The following BTRC variants were observed in gnomAD, a reference collection of about 807,000 sequenced individuals.
BTRC encodes the protein F-box/WD repeat-containing protein 1A.
Under a neutral mutation model 85.5 loss-of-function variants are expected in BTRC, and 42 were observed. The observed-to-expected ratio is 0.49, with a 90% CI of 0.38 to 0.64. The LOEUF (loss-of-function observed/expected upper bound fraction) is 0.64. Ranked by LOEUF, BTRC falls within the 30% of genes least tolerant of loss-of-function variation. The probability of loss-of-function intolerance (pLI) is 0.00; values close to 1 mark genes in which losing one functional copy is unlikely to be tolerated. For missense variants in BTRC, 594 were observed against 743.5 expected, an observed-to-expected ratio of 0.80 and a Z score of 2.34; for synonymous variants, 255 against 263.3, an observed-to-expected ratio of 0.97 and a Z score of 0.30.
chr10:101,467,956 A>G (rs1945424319), intron 3 of BTRC, among the ~76,000 whole-genome samples: 1 of 152,210 alleles, frequency 6.6e-6, no homozygotes, highest in African/African-American at 2.4e-5. Context: ...GACAAAAGTG[A>G]TCTTTCCAAA....
chr10:101,508,690 A>G (rs977279475), intron 4 of BTRC, among the ~76,000 whole-genome samples: 5 of 152,072 alleles, frequency 3.3e-5, no homozygotes, highest in Non-Finnish European at 7.4e-5. Flanking sequence ...CGAGGCGGGC[A>G]GATCACGAGG....
At chr10:101,523,847 T>C (rs1321659535) in intron 5 of BTRC, among the ~76,000 whole-genome samples, 1 of 152,190 alleles carries the variant, frequency 6.6e-6, no homozygotes, top group Non-Finnish European at 1.5e-5. Context: ...AACCCCTTTA[T>C]TGAACATTTA....
In BTRC at chr10:101,479,317, G is replaced by A. The variant is rs1284441403; in HGVS notation, c.235-51G>A. 3.8e-6 allele frequency: 5 copies of A among 1,320,580 alleles called. No homozygotes were observed. In the Admixed American group the frequency reaches 5.1e-5, roughly 14 times the overall value. 81.8% of individuals were successfully genotyped at this position (1,320,580 alleles called of 1,614,324 possible). On this transcript the variant is annotated intron_variant, in intron 3 of 14. Coordinates refer to ENST00000370187, the MANE Select transcript of BTRC (RefSeq NM_033637.4). ...AGAGCAGAATTTGAAAACAGGATAT[G>A]GCAGTATTTCAATATTTTAAAAACC... is the stretch of plus-strand genomic sequence containing the variant.
At chr10:101,445,949 A>G (rs1345134619) in intron 2 of BTRC, among the ~76,000 whole-genome samples, 2 of 152,166 alleles carry the variant, frequency 1.3e-5, no homozygotes, top group Non-Finnish European at 2.9e-5. Context: ...GAGATATCTC[A>G]TGGAGAATAC....
intron 3 of BTRC, among the ~76,000 whole-genome samples, chr10:101,470,674 A>G (rs930534932): frequency 6.6e-6 from 1 of 152,170 alleles, no homozygotes; most frequent in Non-Finnish European, 1.5e-5. Flanking sequence ...CCTACCTAAG[A>G]AATCTTTGTC....
chr10:101,529,962 A>G (rs538007340), intron 6 of BTRC, among the ~76,000 whole-genome samples: 177 of 152,328 alleles, frequency 1.2e-3, no homozygotes, highest in African/African-American at 4.1e-3. Flanking sequence ...TAGTACACCC[A>G]TAGTGGGGTT....
At chr10:101,523,640 T>C (rs1454136936) in intron 5 of BTRC, among the ~76,000 whole-genome samples, 5 of 152,216 alleles carry the variant, frequency 3.3e-5, no homozygotes, top group African/African-American at 1.2e-4. Flanking sequence ...ACTGATTTGC[T>C]AAGTTATTAA....
chr10:101,541,265 CTT>C (rs34740269), intron 13 of BTRC, among the ~76,000 whole-genome samples: 1 of 147,114 alleles, frequency 6.8e-6, no homozygotes, highest in Non-Finnish European at 1.5e-5. Flanking sequence ...GGGTTTTTCT[CTT>C]TTTTTTTTTT....
intron 14 of BTRC, among the ~76,000 whole-genome samples, chr10:101,552,168 TATTTTATTTC>T (rs2062660749): frequency 6.6e-6 from 1 of 151,668 alleles, no homozygotes; most frequent in Admixed American, 6.6e-5. Context: ...TATTTTATTT[TATTTTATTTC>T]ATTTTATTTT....
intron 2 of BTRC, among the ~76,000 whole-genome samples, chr10:101,441,088 A>G (rs1285285260): frequency 6.6e-6 from 1 of 152,230 alleles, no homozygotes; most frequent in Non-Finnish European, 1.5e-5. Flanking sequence ...GGAGTTTTCA[A>G]AAATCATTCT....
At chr10:101,510,244 C>T (rs945275829) in intron 4 of BTRC, among the ~76,000 whole-genome samples, 1 of 152,166 alleles carries the variant, frequency 6.6e-6, no homozygotes. Flanking sequence ...TGCAGTGGCT[C>T]ACGCCTGTAA....
intron 2 of BTRC, among the ~76,000 whole-genome samples, chr10:101,459,918 G>C (rs1275579513): frequency 6.6e-6 from 1 of 152,048 alleles, no homozygotes; most frequent in East Asian, 1.9e-4. Context: ...TTGTGTATCA[G>C]CCCAAGTACC....
chr10:101,367,031 T>A lies in BTRC; in HGVS notation c.48+12803T>A, dbSNP rs1373628165. 6.9e-5 allele frequency among the ~76,000 whole-genome samples: 4 copies of A among 57,860 alleles called. No homozygotes were observed. In the East Asian group the frequency reaches 8.7e-4, roughly 13 times the overall value. The allele number at this position is 57,860 out of a possible 152,430, so 38.0% of individuals were successfully genotyped here. ...TTATATATATATTTATATTTATATA[T>A]TTATATATATAAATATATATATATA... On this transcript the variant is annotated intron_variant, in intron 1 of 14. Coordinates refer to ENST00000370187, the MANE Select transcript of BTRC (RefSeq NM_033637.4).
intron 4 of BTRC, among the ~76,000 whole-genome samples, chr10:101,513,260 T>G (rs1231711047): frequency 1.3e-5 from 2 of 152,210 alleles, no homozygotes; most frequent in African/African-American, 2.4e-5. Flanking sequence ...GATTTATCAG[T>G]AGGAATACTG....
At chr10:101,449,351 G>A (rs796449424) in intron 2 of BTRC, among the ~76,000 whole-genome samples, 9 of 152,028 alleles carry the variant, frequency 5.9e-5, no homozygotes, top group East Asian at 3.9e-4. Context: ...TTTGTCATAC[G>A]TCCTAAGGGT....
At chr10:101,411,139 G>T (rs909729987) in intron 1 of BTRC, among the ~76,000 whole-genome samples, 2 of 151,846 alleles carry the variant, frequency 1.3e-5, no homozygotes, top group Non-Finnish European at 2.9e-5. Flanking sequence ...GGCATTACAG[G>T]TGCAGGCCCC....
intron 1 of BTRC, among the ~76,000 whole-genome samples, chr10:101,415,486 T>TTATG (rs1943909762): frequency 3.5e-4 from 6 of 17,072 alleles, no homozygotes; most frequent in African/African-American, 8.5e-4. Flanking sequence ...TTTATTTTAT[T>TTATG]TTATGTTATG....
chr10:101,531,170 CAAAATAT>C (rs1433762148), intron 6 of BTRC, 60 bp from the exon 7 acceptor site: 2 of 1,308,194 alleles, frequency 1.5e-6, no homozygotes, highest in Non-Finnish European at 2.1e-6. Flanking sequence ...GACTCTGTCT[CAAAATAT>C]ATATGTATTT....
chr10:101,477,530 T>A (rs1319756964), intron 3 of BTRC, among the ~76,000 whole-genome samples: 1 of 152,136 alleles, frequency 6.6e-6, no homozygotes, highest in Non-Finnish European at 1.5e-5. Context: ...CCCAGGCTGA[T>A]CTCAAACTCC....
Sources: gnomAD v4.1 joint callset for allele counts (sites outside exome capture counted in the v4.1 genomes callset) on GRCh38, gnomAD v4.1.1 for gene constraint, MANE v1.5 for transcripts, NCBI Gene and HGNC (gene_info 2026-07-23, HGNC 2026-07-21) for gene names.